The following SLC44A3 variants were observed in gnomAD, a reference collection of about 807,000 sequenced individuals.
SLC44A3 encodes the protein choline transporter-like protein 3.
SLC44A3 carries 74 observed loss-of-function variants against 75.4 expected under a neutral mutation model. The observed-to-expected ratio is 0.98, with a 90% confidence interval of 0.81 to 1.19. The LOEUF (loss-of-function observed/expected upper bound fraction) is 1.19. Among genes scored for constraint, SLC44A3 ranks in the 50% most tolerant of loss-of-function variants. SLC44A3 has a pLI of 0.00. For missense variants in SLC44A3, 700 were observed against 778.6 expected, an observed-to-expected ratio of 0.90 and a Z score of 1.20; for synonymous variants, 310 against 296.9, an observed-to-expected ratio of 1.04 and a Z score of -0.45.
intron 8 of SLC44A3, among the ~76,000 whole-genome samples, chr1:94,842,491 C>T (rs1193835735): frequency 1.3e-5 from 2 of 152,246 alleles, no homozygotes; most frequent in African/African-American, 4.8e-5. Context: ...TGCTCAGCTT[C>T]CGCTGCCCTC....
At chr1:94,836,077 G>A (rs1384379568) in intron 5 of SLC44A3, among the ~76,000 whole-genome samples, 4 of 152,216 alleles carry the variant, frequency 2.6e-5, no homozygotes, top group African/African-American at 9.6e-5. Flanking sequence ...TGCTTCATTA[G>A]AAGCTTGGGA....
chr1:94,883,932 C>T (rs1669278988), intron 12 of SLC44A3, among the ~76,000 whole-genome samples: 1 of 152,038 alleles, frequency 6.6e-6, no homozygotes, highest in South Asian at 2.1e-4. Context: ...TGTGTATATT[C>T]ACAGAGGGGT....
rs546475387 is a variant in SLC44A3 at position 94,834,548 on chromosome 1, G to T, written c.510-3163G>T. Among the ~76,000 whole-genome samples the T allele has an allele frequency of 6.6e-5, 10 of 151,966 alleles. No homozygotes were observed. In the East Asian group the frequency reaches 1.9e-3, roughly 29 times the overall value. On this transcript the variant is annotated intron_variant, in intron 5 of 14. Transcript: ENST00000271227. ...TGCCCAGGCTGGAGTGTAGTGGCAC[G>T]ATCTCAGCTCACTGCAACCTGTGCC...
intron 9 of SLC44A3, among the ~76,000 whole-genome samples, chr1:94,847,605 A>T (rs928284687): frequency 2.0e-5 from 3 of 152,232 alleles, no homozygotes; most frequent in Admixed American, 2.0e-4. Context: ...GCGAGCTTGA[A>T]GTGGGCTCAG....
At chr1:94,839,878 C>T (rs1402168599) in intron 6 of SLC44A3, 70 bp from the exon 7 acceptor site, 32 of 1,088,090 alleles carry the variant, frequency 2.9e-5, no homozygotes, top group Admixed American at 1.4e-4. Context: ...GTTTTGTCAT[C>T]GCAGTACTAC....
At chr1:94,837,272 T>A (rs1396675689) in intron 5 of SLC44A3, among the ~76,000 whole-genome samples, 1 of 152,216 alleles carries the variant, frequency 6.6e-6, no homozygotes, top group Non-Finnish European at 1.5e-5. Context: ...GTGACTATAG[T>A]TCATAATACT....
At chr1:94,862,394 G>A (rs1234906418) in intron 10 of SLC44A3, among the ~76,000 whole-genome samples, 3 of 152,214 alleles carry the variant, frequency 2.0e-5, no homozygotes, top group Admixed American at 6.5e-5. Context: ...GGACCATGAT[G>A]CGGCTTGCCT....
At chr1:94,825,867 G>A (rs560810055) in intron 3 of SLC44A3, 2 of 456,192 alleles carry the variant, frequency 4.4e-6, no homozygotes, top group African/African-American at 4.0e-5. Flanking sequence ...GAGGAAGGGC[G>A]ACTTAGATGC....
chr1:94,889,697 T>TGCAC (rs1669992450), intron 12 of SLC44A3, among the ~76,000 whole-genome samples: 1 of 152,176 alleles, frequency 6.6e-6, no homozygotes, highest in Admixed American at 6.5e-5. Context: ...GCTACACACA[T>TGCAC]GCACGTACAC....
Position 94,820,357 on chromosome 1 carries a change from A to AGCCCCGGCCCCG in SLC44A3, c.-86_-75dup. ...CGGCTCCAGCCCCAGCCCCAGCCCC[A>AGCCCCGGCCCCG]GCCCCGGCCCCGGCCCCGGCTCGCG... On this transcript the variant is annotated 5_prime_UTR_variant, in exon 1 of 15. Transcript: ENST00000271227. 2 of 1,123,308 alleles carry AGCCCCGGCCCCG rather than the reference A, an allele frequency of 1.8e-6. No homozygotes were observed. The highest frequency in any genetic ancestry group is 4.8e-5 in the Admixed American group (1 of 20,862). 69.6% of individuals were successfully genotyped at this position (1,123,308 alleles called of 1,614,324 possible). A position where few individuals can be genotyped will look rare whatever the true frequency, so the allele number is the denominator to read the frequency against.
At chr1:94,875,675 A>G (rs1446766063) in intron 12 of SLC44A3, among the ~76,000 whole-genome samples, 1 of 152,118 alleles carries the variant, frequency 6.6e-6, no homozygotes, top group Non-Finnish European at 1.5e-5. Flanking sequence ...GAACATTTGC[A>G]TCCTGGGAAG....
intron 9 of SLC44A3, among the ~76,000 whole-genome samples, chr1:94,848,450 A>C (rs891987296): frequency 5.9e-5 from 9 of 152,070 alleles, no homozygotes; most frequent in Non-Finnish European, 4.4e-5. Context: ...ATCATCAGAG[A>C]AACAGTGAGG....
chr1:94,860,199 A>G (rs1485155816), intron 10 of SLC44A3, among the ~76,000 whole-genome samples: 1 of 152,202 alleles, frequency 6.6e-6, no homozygotes, highest in Non-Finnish European at 1.5e-5. Context: ...ACAAAGATGT[A>G]TTGCTAGGAT....
chr1:94,863,701 G>A (rs1666852659), intron 10 of SLC44A3, among the ~76,000 whole-genome samples: 1 of 150,650 alleles, frequency 6.6e-6, no homozygotes, highest in Admixed American at 6.6e-5. Context: ...CTTTTTTTTT[G>A]TGGGACAACT....
intron 3 of SLC44A3, among the ~76,000 whole-genome samples, chr1:94,826,298 A>T (rs61774580): frequency 0.17 from 25,991 of 152,164 alleles, 2,403 homozygotes; most frequent in African/African-American, 0.22. Flanking sequence ...AGTTCTGTGA[A>T]TGGATGGTGG....
chr1:94,857,620 A>G (rs1666048988), intron 10 of SLC44A3, 120 bp downstream of exon 10: 5 of 1,067,138 alleles, frequency 4.7e-6, no homozygotes, highest in Non-Finnish European at 5.2e-6. Flanking sequence ...GTTGGCAAGA[A>G]TAAAAGAGTA....
At chr1:94,827,912 A>T (rs12568479) in intron 4 of SLC44A3, among the ~76,000 whole-genome samples, 41,659 of 151,772 alleles carry the variant, frequency 0.27, 6,389 homozygotes, top group Middle Eastern at 0.38. Context: ...AGAGAGAGAG[A>T]GGAGACAGCC....
chr1:94,821,444 G>C (rs1311667695), intron 2 of SLC44A3, among the ~76,000 whole-genome samples: 1 of 152,156 alleles, frequency 6.6e-6, no homozygotes, highest in Non-Finnish European at 1.5e-5. Context: ...GCCAGGGTAA[G>C]CCTAGAAATA....
chr1:94,821,859 T>C (rs1169193891), intron 2 of SLC44A3, among the ~76,000 whole-genome samples: 1 of 152,196 alleles, frequency 6.6e-6, no homozygotes. Flanking sequence ...GGCCCTAAAA[T>C]ATCATGTTTG....
Sources: gnomAD v4.1 joint callset for allele counts (sites outside exome capture counted in the v4.1 genomes callset) on GRCh38, gnomAD v4.1.1 for gene constraint, MANE v1.5 for transcripts, NCBI Gene and HGNC (gene_info 2026-07-23, HGNC 2026-07-21) for gene names.